The following ADGRL3 variants were observed in gnomAD, a reference collection of about 807,000 sequenced individuals.
ADGRL3 encodes the protein calcium-independent alpha-latrotoxin receptor 3.
In ADGRL3, 62 loss-of-function variants were observed where a neutral mutation model predicts 153.5. That is an observed-to-expected ratio of 0.40 (90% CI 0.33 to 0.50). The LOEUF (loss-of-function observed/expected upper bound fraction) is 0.50, where lower values mean the gene tolerates loss of function less well. ADGRL3 is among the 20% of genes least tolerant of loss of function. The pLI is 0.47. For missense variants in ADGRL3, 1,641 were observed against 1,859.4 expected, an observed-to-expected ratio of 0.88 and a Z score of 2.16; for synonymous variants, 710 against 672.5, an observed-to-expected ratio of 1.06 and a Z score of -0.86.
At chr4:61,726,842 T>G (rs1442521042) in intron 6 of ADGRL3, among the ~76,000 whole-genome samples, 1 of 152,144 alleles carries the variant, frequency 6.6e-6, no homozygotes, top group Non-Finnish European at 1.5e-5. Context: ...TATGGGGGCA[T>G]TATTGGATTG....
intron 1 of ADGRL3, among the ~76,000 whole-genome samples, chr4:61,206,592 T>A (rs1039038405): frequency 6.6e-6 from 1 of 152,232 alleles, no homozygotes; most frequent in African/African-American, 2.4e-5. Context: ...ATTGCTCTGA[T>A]GGCATATGTC....
intron 2 of ADGRL3, among the ~76,000 whole-genome samples, chr4:61,423,079 G>C (rs892870118): frequency 5.3e-5 from 8 of 152,126 alleles, no homozygotes; most frequent in Admixed American, 5.2e-4. Context: ...ACATGGCTAA[G>C]ACATTAAGAA....
At chr4:61,244,405 T>C (rs1756227539) in intron 1 of ADGRL3, among the ~76,000 whole-genome samples, 1 of 152,010 alleles carries the variant, frequency 6.6e-6, no homozygotes, top group Non-Finnish European at 1.5e-5. Flanking sequence ...TAAGGCCTAA[T>C]AGGTACACAA....
At chr4:61,392,701 A>AAAAAAAAAAAAAAAAAG (rs1560565637) in intron 2 of ADGRL3, among the ~76,000 whole-genome samples, 1 of 146,374 alleles carries the variant, frequency 6.8e-6, no homozygotes, top group South Asian at 2.2e-4. Context: ...AAAAAAAAAA[A>AAAAAAAAAAAAAAAAAG]AAAAAGAAAA....
intron 5 of ADGRL3, among the ~76,000 whole-genome samples, chr4:61,592,405 A>G (rs13126538): frequency 1.3e-5 from 2 of 152,174 alleles, no homozygotes; most frequent in Non-Finnish European, 2.9e-5. Context: ...CAGATCAGAA[A>G]CAATACCTCA....
chr4:61,509,481 CTA>C (rs2098451092), intron 3 of ADGRL3, among the ~76,000 whole-genome samples: 1 of 152,068 alleles, frequency 6.6e-6, no homozygotes, highest in Non-Finnish European at 1.5e-5. Context: ...ACTTATAAGT[CTA>C]TGTGTGCAAT....
intron 21 of ADGRL3, among the ~76,000 whole-genome samples, chr4:62,006,847 A>G (rs932704883): frequency 1.3e-5 from 2 of 152,120 alleles, no homozygotes; most frequent in Non-Finnish European, 2.9e-5. Context: ...GTCACTAAAA[A>G]GTATGTTTCT....
At position 61,946,934 on chromosome 4, in the gene ADGRL3, G is replaced by T. The variant is rs2098927580; in HGVS notation, c.2440G>T (p.Val814Phe). Residue 814 changes from valine to phenylalanine, a missense_variant, in exon 16 of 27, where the codon GTC (valine) becomes TTC (phenylalanine). Around this residue, in one of 5 missense-constraint regions of ADGRL3, gnomAD observed 734 missense variants for 797.0 expected, o/e 0.92. Coordinates refer to ENST00000683033, the MANE Select transcript of ADGRL3 (RefSeq NM_001387552.1). Reference sequence around the variant, plus strand: ...TTTAGGAGAGATCAGAGTGGCCTTTGTCCTGTATAACAACTTGGGTCCTTA... The same window carrying T: ...TTTAGGAGAGATCAGAGTGGCCTTTTTCCTGTATAACAACTTGGGTCCTTA... ...GRNGEIRVAF[V>F]LYNNLGPYLS... 6.2e-7 allele frequency: 1 copy of T among 1,613,810 alleles called. No homozygotes were observed. Among genetic ancestry groups the T allele is most frequent in the East Asian group, 2.2e-5 (1 of 44,844 alleles).
At chr4:61,935,070 A>C in intron 14 of ADGRL3, 47 bp downstream of exon 14, 4 of 1,537,232 alleles carry the variant, frequency 2.6e-6, no homozygotes, top group Non-Finnish European at 2.7e-6. Flanking sequence ...CTTGTATATC[A>C]GAAGAGGGAA....
chr4:61,317,074 G>A (rs147843228), intron 1 of ADGRL3, among the ~76,000 whole-genome samples: 137 of 152,256 alleles, frequency 9.0e-4, no homozygotes, highest in African/African-American at 3.1e-3. Context: ...ATCTAGAAAG[G>A]TATAAGAGAG....
At chr4:61,263,159 C>T (rs10018363) in intron 1 of ADGRL3, among the ~76,000 whole-genome samples, 4,816 of 151,908 alleles carry the variant, frequency 0.032, 261 homozygotes, top group African/African-American at 0.11. Context: ...AGAAACAATT[C>T]ATATTCAAAT....
intron 1 of ADGRL3, among the ~76,000 whole-genome samples, chr4:61,325,414 C>A (rs1387106694): frequency 6.6e-6 from 1 of 152,218 alleles, no homozygotes; most frequent in East Asian, 1.9e-4. Flanking sequence ...GTATTTGACA[C>A]TAACAAATGC....
chr4:61,900,671 G>A (rs2098659455), intron 11 of ADGRL3, among the ~76,000 whole-genome samples: 1 of 152,108 alleles, frequency 6.6e-6, no homozygotes, highest in Non-Finnish European at 1.5e-5. Flanking sequence ...ACCAGTAGGT[G>A]GGTGGATGGA....
intron 21 of ADGRL3, among the ~76,000 whole-genome samples, chr4:62,007,128 A>G (rs1052105592): frequency 1.9e-4 from 29 of 151,580 alleles, no homozygotes; most frequent in African/African-American, 6.5e-4. Context: ...AAAGCAGGAA[A>G]GAAGAGATAA....
At chr4:61,774,805 G>A (rs946636238) in intron 8 of ADGRL3, among the ~76,000 whole-genome samples, 1 of 152,168 alleles carries the variant, frequency 6.6e-6, no homozygotes, top group African/African-American at 2.4e-5. Context: ...TTATAGGTGT[G>A]TATGTATGGG....
At chr4:61,327,950 T>A (rs1317939364) in intron 1 of ADGRL3, among the ~76,000 whole-genome samples, 1 of 152,100 alleles carries the variant, frequency 6.6e-6, no homozygotes, top group Non-Finnish European at 1.5e-5. Context: ...CTATTAAGAC[T>A]GTCAAAAATT....
intron 5 of ADGRL3, among the ~76,000 whole-genome samples, chr4:61,591,078 T>C (rs1052698879): frequency 6.6e-6 from 1 of 152,174 alleles, no homozygotes; most frequent in Non-Finnish European, 1.5e-5. Flanking sequence ...AAGCGCCCCC[T>C]TGTGCTCTGC....
chr4:61,593,554 G>T, intron 5 of ADGRL3, among the ~76,000 whole-genome samples: 1 of 151,938 alleles, frequency 6.6e-6, no homozygotes, highest in Non-Finnish European at 1.5e-5. Flanking sequence ...TATTTTCACT[G>T]GATATACTAT....
chr4:61,887,586 C>A (rs1373962298), intron 9 of ADGRL3, among the ~76,000 whole-genome samples: 1 of 152,148 alleles, frequency 6.6e-6, no homozygotes, highest in Non-Finnish European at 1.5e-5. Context: ...GTGGCCCACA[C>A]CTGTAATCCC....
Sources: allele counts gnomAD v4.1 joint callset (sites outside exome capture counted in the v4.1 genomes callset), GRCh38; gene constraint gnomAD v4.1.1; regional missense constraint gnomAD v4.1.1; transcripts MANE v1.5; gene names NCBI Gene and HGNC (gene_info 2026-07-23, HGNC 2026-07-21).